Variants in CSMD2 observed in about 807,000 individuals in gnomAD.
The protein encoded by CSMD2 is CUB and Sushi multiple domains 2, also known as CUB and sushi domain-containing protein 2.
In CSMD2, 130 loss-of-function variants were observed where a neutral mutation model predicts 398.5. That is an observed-to-expected ratio of 0.33 (90% CI 0.28 to 0.38). The LOEUF (loss-of-function observed/expected upper bound fraction) is 0.38, where lower values mean the gene tolerates loss of function less well. Among genes scored for constraint, CSMD2 ranks in the 10% least tolerant of loss-of-function variants. The pLI is 1.00. For missense variants in CSMD2, 3,829 were observed against 4,764.9 expected, an observed-to-expected ratio of 0.80 and a Z score of 5.78; for synonymous variants, 1,828 against 1,908.5, an observed-to-expected ratio of 0.96 and a Z score of 1.10.
chr1:34,048,951 A>T (rs2148215894), intron 2 of CSMD2, among the ~76,000 whole-genome samples: 1 of 152,222 alleles, frequency 6.6e-6, no homozygotes, highest in Middle Eastern at 3.4e-3. Flanking sequence ...TACTCCAGGG[A>T]ACTAGGAGAA....
At chr1:33,656,679 A>T (rs1273074639) in intron 27 of CSMD2, among the ~76,000 whole-genome samples, 1 of 152,158 alleles carries the variant, frequency 6.6e-6, no homozygotes, top group African/African-American at 2.4e-5. Context: ...GAGGTAGGAA[A>T]ATGAGAGGCT....
At chr1:33,571,975 T>A (rs1196448921) in intron 50 of CSMD2, among the ~76,000 whole-genome samples, 1 of 152,214 alleles carries the variant, frequency 6.6e-6, no homozygotes, top group East Asian at 1.9e-4. Context: ...GGTTGACTAT[T>A]GAATGTTTGA....
At chr1:33,884,620 G>A (rs10799001) in intron 5 of CSMD2, 29,411 of 152,298 alleles carry the variant, frequency 0.19, 3,030 homozygotes, top group Middle Eastern at 0.28. Context: ...GTTTGTGTCT[G>A]TGCCTGCATC....
chr1:34,007,416 C>A (rs748357929), intron 3 of CSMD2, among the ~76,000 whole-genome samples: 2 of 152,150 alleles, frequency 1.3e-5, no homozygotes, highest in East Asian at 3.9e-4. Flanking sequence ...TCCTCTGACC[C>A]CTGTTGTTGA....
At chr1:33,867,448 C>G (rs755235275) in intron 5 of CSMD2, among the ~76,000 whole-genome samples, 1 of 152,200 alleles carries the variant, frequency 6.6e-6, no homozygotes, top group African/African-American at 2.4e-5. Flanking sequence ...TGTTACTGGA[C>G]TCCTGACCCC....
chr1:33,953,233 A>G (rs1290751070), intron 3 of CSMD2, among the ~76,000 whole-genome samples: 1 of 152,188 alleles, frequency 6.6e-6, no homozygotes, highest in Non-Finnish European at 1.5e-5. Context: ...TCCAAGGTGG[A>G]AGGAGGCTTT....
intron 13 of CSMD2, among the ~76,000 whole-genome samples, chr1:33,751,595 GGAGAT>G: frequency 6.6e-6 from 1 of 152,156 alleles, no homozygotes. Context: ...GAACCTGCAA[GGAGAT>G]GAGAGTGTGA....
chr1:33,753,181 C>T (rs958405737), intron 13 of CSMD2, among the ~76,000 whole-genome samples: 1 of 152,212 alleles, frequency 6.6e-6, no homozygotes, highest in Non-Finnish European at 1.5e-5. Context: ...GAGCCAAGTG[C>T]TAACATCCAA....
chr1:33,712,048 A>C (rs1646010248), intron 21 of CSMD2, among the ~76,000 whole-genome samples: 1 of 152,190 alleles, frequency 6.6e-6, no homozygotes, highest in Admixed American at 6.6e-5. Context: ...GTTCCAGAGA[A>C]ACAAACAGTC....
intron 53 of CSMD2, among the ~76,000 whole-genome samples, chr1:33,561,935 A>G (rs1448434885): frequency 6.6e-6 from 1 of 152,172 alleles, no homozygotes; most frequent in African/African-American, 2.4e-5. Flanking sequence ...CTGAAGGCGG[A>G]AATCACTCAT....
At chr1:33,718,417 G>A (rs543750961) in intron 19 of CSMD2, among the ~76,000 whole-genome samples, 1 of 152,344 alleles carries the variant, frequency 6.6e-6, no homozygotes, top group Admixed American at 6.5e-5. Flanking sequence ...CAGATTTGAT[G>A]TGACAGATGC....
intron 25 of CSMD2, among the ~76,000 whole-genome samples, chr1:33,677,532 T>C (rs966430382): frequency 2.6e-5 from 4 of 152,174 alleles, no homozygotes; most frequent in African/African-American, 9.7e-5. Flanking sequence ...AGTTCAACCA[T>C]TGTGGAAGTC....
At chr1:33,832,706 C>G (rs896015816) in intron 6 of CSMD2, among the ~76,000 whole-genome samples, 1 of 150,788 alleles carries the variant, frequency 6.6e-6, no homozygotes, top group Non-Finnish European at 1.5e-5. Flanking sequence ...ATTAATGAAT[C>G]CAGGAGCTGG....
At position 33,819,745 on chromosome 1, in the gene CSMD2, G is replaced by A. The variant is rs374512135; in HGVS notation, c.1292C>T (p.Ala431Val). The change falls in exon 9 of 71, where the codon GCG becomes GTG. Residue 431 changes from alanine to valine, a missense_variant. Physicochemically the swap from Ala to Val is moderately conservative, Grantham distance 64 (BLOSUM62 0). Coordinates refer to ENST00000373381, the MANE Select transcript of CSMD2 (RefSeq NM_001281956.2). ...GACTGGCCTGTGGTCGCTCCAGGCCGCAAACATGTCGCTCACTTTCATACA... is the reference window on the plus strand; with the variant it reads ...GACTGGCCTGTGGTCGCTCCAGGCCACAAACATGTCGCTCACTTTCATACA... ...ITCMKVSDMFAAWSDHRPVCR... is the reference protein window; with the variant it reads ...ITCMKVSDMFVAWSDHRPVCR... 17 of 1,613,704 alleles carry A rather than the reference G, an allele frequency of 1.1e-5. No homozygotes were observed. The African/African-American group carries it at 1.7e-4, about 16-fold the overall frequency.
intron 3 of CSMD2, among the ~76,000 whole-genome samples, chr1:33,963,140 C>T (rs368123841): frequency 2.1e-4 from 32 of 152,340 alleles, no homozygotes; most frequent in African/African-American, 7.2e-4. Flanking sequence ...GTCTTAAATG[C>T]AACCCCAGCC....
intron 2 of CSMD2, among the ~76,000 whole-genome samples, chr1:34,084,629 A>C (rs1045727051): frequency 2.6e-5 from 4 of 152,198 alleles, no homozygotes; most frequent in Non-Finnish European, 1.5e-5. Flanking sequence ...ACATGAAAAA[A>C]TGCTCACCAT....
At chr1:33,828,277 T>C (rs1659048327) in intron 6 of CSMD2, among the ~76,000 whole-genome samples, 1 of 152,228 alleles carries the variant, frequency 6.6e-6, no homozygotes, top group Non-Finnish European at 1.5e-5. Flanking sequence ...GCCTAGCTAA[T>C]ACAGTGCGGC....
intron 66 of CSMD2, among the ~76,000 whole-genome samples, 181 bp from the exon 67 acceptor site, chr1:33,523,600 C>T (rs909389271): frequency 9.2e-5 from 14 of 152,062 alleles, no homozygotes; most frequent in African/African-American, 3.1e-4. Context: ...GTAGGCTGAA[C>T]GTGGTTATAT....
chr1:33,929,432 C>CTTTTTTTTTTTTT lies in CSMD2; in HGVS notation c.712+6315_712+6327dup, dbSNP rs936900076. 4.2e-4 allele frequency among the ~76,000 whole-genome samples: 42 copies of CTTTTTTTTTTTTT among 100,664 alleles called. 5 individuals are homozygous for CTTTTTTTTTTTTT. The highest frequency in any genetic ancestry group is 1.4e-3 in the African/African-American group (31 of 22,548). 66.0% of individuals were successfully genotyped at this position (100,664 alleles called of 152,430 possible). A position where few individuals can be genotyped will look rare whatever the true frequency, so the allele number is the denominator to read the frequency against. ...TCCTGAACTCAGAACCAAGCCTATA[C>CTTTTTTTTTTTTT]TTTTTTTTTTTTTTTTTTTTTTTGA... On this transcript the variant is annotated intron_variant, in intron 4 of 70. Coordinates refer to ENST00000373381, the MANE Select transcript of CSMD2 (RefSeq NM_001281956.2).
Sources: allele counts gnomAD v4.1 joint callset (sites outside exome capture counted in the v4.1 genomes callset), GRCh38; gene constraint gnomAD v4.1.1; transcripts MANE v1.5; gene names NCBI Gene and HGNC (gene_info 2026-07-23, HGNC 2026-07-21).